The following PLAGL1 variants were observed in gnomAD, a reference collection of about 807,000 sequenced individuals.
The protein encoded by PLAGL1 is zinc finger protein PLAGL1.
Under a neutral mutation model 4.6 loss-of-function variants are expected in PLAGL1, and 1 was observed. The observed-to-expected ratio is 0.22, with a 90% confidence interval of 0.08 to 1.03. PLAGL1 has a LOEUF of 1.03. Ranked by LOEUF, PLAGL1 falls within the 50% of genes least tolerant of loss-of-function variation. PLAGL1 has a pLI of 0.58. For missense variants in PLAGL1, 464 were observed against 570.4 expected (o/e 0.81, Z 1.90); for synonymous variants, 240 against 237.8 (o/e 1.01, Z -0.08).
intron 2 of PLAGL1, among the ~76,000 whole-genome samples, chr6:143,974,856 A>G (rs1307121019): frequency 1.3e-5 from 2 of 152,238 alleles, no homozygotes; most frequent in Non-Finnish European, 2.9e-5. Flanking sequence ...AACTTGCTAC[A>G]TTTCTATAAA....
Position 143,993,583 on chromosome 6 carries a change from C to CT in PLAGL1, c.-583-8410dup, listed in dbSNP as rs146207301. Among the ~76,000 whole-genome samples the CT allele has an allele frequency of 2.1e-3, 320 of 152,006 alleles. 1 individual carries two copies. The highest frequency in any genetic ancestry group is 7.3e-3 in the African/African-American group (302 of 41,450). On this transcript the variant is annotated intron_variant, in intron 1 of 7. Transcript: ENST00000674357. ...TTTGAAGATCATTAGCCAAGGAAAA[C>CT]TTTTTTTTAAAAAAACTAAATTGTC... is the stretch of plus-strand genomic sequence containing the variant.
Position 143,954,769 on chromosome 6 carries a change from T to C in PLAGL1, c.-325+5700A>G, listed in dbSNP as rs1210218143. Among the ~76,000 whole-genome samples, 1 of 152,098 alleles carries C rather than the reference T, an allele frequency of 6.6e-6. No individual in the cohort carries two copies. Among genetic ancestry groups the C allele is most frequent in the Non-Finnish European group, 1.5e-5 (1 of 68,012 alleles). On this transcript the variant is annotated intron_variant, in intron 6 of 7. Coordinates refer to ENST00000674357, the MANE Select transcript of PLAGL1 (RefSeq NM_001317162.2). The surrounding 1 kb of genome is among the most constrained non-coding windows in gnomAD (Gnocchi z 5.1). ...CAATAAACTAATGAAAGGCATAAAA[T>C]TGGAATGGAATAATTATTTATTTGC...
rs1797276397 is a variant in PLAGL1, at chr6:144,036,777, A to AACACCTTGC, written c.-151+27690_-151+27691insGCAAGGTGT. On this transcript the variant is annotated intron_variant, in intron 1 of 3. Transcript: ENST00000437412. The surrounding 1 kb of genome is among the most constrained non-coding windows in gnomAD (Gnocchi z 5.1). ...AGAAAACTGCTCTAAGACAAGCAAG[A>AACACCTTGC]AGGCAGACCTGCTAAATGCCCATTA... is the stretch of plus-strand genomic sequence containing the variant. 1 of 335,082 alleles carries AACACCTTGC rather than the reference A, an allele frequency of 3.0e-6. No individual in the cohort carries two copies. Among genetic ancestry groups the AACACCTTGC allele is most frequent in the African/African-American group, 2.2e-5 (1 of 44,578 alleles). 20.8% of individuals were successfully genotyped at this position (335,082 alleles called of 1,614,324 possible).
rs1436605492 is a variant in PLAGL1 at position 143,994,172 on chromosome 6, T to C, written c.-583-8998A>G. Among the ~76,000 whole-genome samples the C allele has an allele frequency of 3.3e-5, 5 of 152,222 alleles. No homozygotes were observed. Among genetic ancestry groups the C allele is most frequent in the Non-Finnish European group, 7.3e-5 (5 of 68,034 alleles). Reference sequence around the variant, plus strand: ...GTTTTGAAGGATTTCAAAATTGTTATGGACCAGGGACTCCCTAAAGTATAC... The same window carrying C: ...GTTTTGAAGGATTTCAAAATTGTTACGGACCAGGGACTCCCTAAAGTATAC... On this transcript the variant is annotated intron_variant, in intron 1 of 7. Coordinates refer to ENST00000674357, the MANE Select transcript of PLAGL1 (RefSeq NM_001317162.2). This position sits in a 1 kb window ranked among gnomAD's most constrained non-coding sequence, Gnocchi z 4.3.
Position 143,949,053 on chromosome 6 carries a change from TGTG to T in PLAGL1, c.-324-596_-324-594del, listed in dbSNP as rs369627543. Reference sequence around the variant, plus strand: ...AGCTAGTCTAGTCTAGTTGCACTGATGTGGTGGCACAAAGCTGATAGCTCAGGA... The same window carrying T: ...AGCTAGTCTAGTCTAGTTGCACTGATGTGGCACAAAGCTGATAGCTCAGGA... On this transcript the variant is annotated intron_variant, in intron 6 of 7. Transcript: ENST00000674357. This position sits in a 1 kb window ranked among gnomAD's most constrained non-coding sequence, Gnocchi z 5.3. Among the ~76,000 whole-genome samples, 4 of 152,356 alleles carry T rather than the reference TGTG, an allele frequency of 2.6e-5. No homozygotes were observed. Among genetic ancestry groups the T allele is most frequent in the Admixed American group, 6.5e-5 (1 of 15,308 alleles).
In PLAGL1 at chr6:144,016,057, G is replaced by A. The variant is rs545100060; in HGVS notation, c.-150-47079C>T. Among the ~76,000 whole-genome samples, 5 of 152,096 alleles carry A rather than the reference G, an allele frequency of 3.3e-5. No individual in the cohort carries two copies. Among genetic ancestry groups the A allele is most frequent in the Non-Finnish European group, 7.4e-5 (5 of 68,020 alleles). ...TGTGCGGAGTCAAAGAAATCATATT[G>A]TATTAGTCAGGGTTCTCTAGAGGGA... On this transcript the variant is annotated intron_variant, in intron 1 of 3. Coordinates refer to the PLAGL1 transcript ENST00000437412. The surrounding 1 kb of genome is among the most constrained non-coding windows in gnomAD (Gnocchi z 4.2).
rs1349853323 is a variant in PLAGL1 at position 143,972,017 on chromosome 6, C to G, written c.-543-3039G>C. On this transcript the variant is annotated intron_variant, in intron 2 of 7. Coordinates refer to ENST00000674357, the MANE Select transcript of PLAGL1 (RefSeq NM_001317162.2). This position sits in a 1 kb window ranked among gnomAD's most constrained non-coding sequence, Gnocchi z 6.8. ...GGACTGCCTGACAAACTTGCTAAAG[C>G]AAAAAAGGGCATAATAGTTCTCTGC... Among the ~76,000 whole-genome samples the G allele has an allele frequency of 6.6e-6, 1 of 151,984 alleles. No homozygotes were observed. The highest frequency in any genetic ancestry group is 2.4e-5 in the African/African-American group (1 of 41,492).
rs1187036066 is a variant in PLAGL1 at position 143,947,728 on chromosome 6, A to C, written c.152+257T>G. Among the ~76,000 whole-genome samples the C allele has an allele frequency of 6.6e-6, 1 of 152,140 alleles. No homozygotes were observed. The highest frequency in any genetic ancestry group is 2.1e-4 in the South Asian group (1 of 4,828). ...GGTTGCATTTTAATTGTCTTTTCCT[A>C]TTTCTCCAGCCATGGGGAGAGGCCT... On this transcript the variant is annotated intron_variant, in intron 7 of 7. Transcript: ENST00000674357. This position sits in a 1 kb window ranked among gnomAD's most constrained non-coding sequence, Gnocchi z 4.3.
chr6:144,027,246 A>C lies in PLAGL1; in HGVS notation c.-151+37222T>G, dbSNP rs67928473. 0.052 allele frequency among the ~76,000 whole-genome samples: 6,306 copies of C among 121,430 alleles called. 192 individuals carry two copies. Among genetic ancestry groups the C allele is most frequent in the East Asian group, 0.12 (551 of 4,610 alleles). The allele number at this position is 121,430 out of a possible 152,430, so 79.7% of individuals were successfully genotyped here. Reference sequence around the variant, plus strand: ...CTCAAAGAACGAACGAAAGAAAGAAAGAAAGAAAGAAAGAAAGAAAGAAAG... The same window carrying C: ...CTCAAAGAACGAACGAAAGAAAGAACGAAAGAAAGAAAGAAAGAAAGAAAG... On this transcript the variant is annotated intron_variant, in intron 1 of 3. Transcript: ENST00000437412. This position sits in a 1 kb window ranked among gnomAD's most constrained non-coding sequence, Gnocchi z 5.8.
Position 143,957,766 on chromosome 6 carries a change from C to T in PLAGL1, c.-325+2703G>A, listed in dbSNP as rs756002100. Among the ~76,000 whole-genome samples the T allele has an allele frequency of 6.6e-6, 1 of 152,178 alleles. No individual in the cohort carries two copies. On this transcript the variant is annotated intron_variant, in intron 6 of 7. Transcript: ENST00000674357. The surrounding 1 kb of genome is among the most constrained non-coding windows in gnomAD (Gnocchi z 4.2). ...GGATCTGAGATCTAGAAAGGATGCT[C>T]AAGACTTGGGTGGACTGTTTGATCC...
chr6:144,037,784 CA>C (rs1369315445), intron 1 of PLAGL1: 1 of 152,104 alleles, frequency 6.6e-6, no homozygotes, highest in East Asian at 1.9e-4. Flanking sequence ...AACCCAAACC[CA>C]AACTACTGCT....
intron 6 of PLAGL1, among the ~76,000 whole-genome samples, chr6:143,956,136 A>G (rs1158607411): frequency 6.6e-6 from 1 of 152,206 alleles, no homozygotes; most frequent in East Asian, 1.9e-4. Context: ...AGTTACTCTG[A>G]GCTTTCCATG....
chr6:144,041,191 A>T (rs995505401), intron 1 of PLAGL1, among the ~76,000 whole-genome samples: 1 of 152,038 alleles, frequency 6.6e-6, no homozygotes, highest in African/African-American at 2.4e-5. Flanking sequence ...AACTTTCTAT[A>T]TATATATATA....
intron 1 of PLAGL1, among the ~76,000 whole-genome samples, chr6:144,049,334 T>C (rs1798412701): frequency 6.6e-6 from 1 of 152,238 alleles, no homozygotes; most frequent in Non-Finnish European, 1.5e-5. Flanking sequence ...CAAAGTTGCT[T>C]CCTCATTTTT....
intron 1 of PLAGL1, among the ~76,000 whole-genome samples, chr6:144,041,199 ATACTTT>A (rs1397693351): frequency 6.6e-6 from 1 of 152,106 alleles, no homozygotes; most frequent in Admixed American, 6.5e-5. Context: ...ATATATATAT[ATACTTT>A]AAGTTCTAGG....
intron 1 of PLAGL1, among the ~76,000 whole-genome samples, chr6:144,049,939 C>T (rs75875800): frequency 0.046 from 6,944 of 152,030 alleles, 226 homozygotes; most frequent in Non-Finnish European, 0.069. Context: ...CAACAGTGCA[C>T]AAGACAGGTC....
In PLAGL1 at chr6:143,997,148, GA is replaced by G. The variant is rs1407663914; in HGVS notation, c.-584+10941del. On this transcript the variant is annotated intron_variant, in intron 1 of 7. Coordinates refer to ENST00000674357, the MANE Select transcript of PLAGL1 (RefSeq NM_001317162.2). The surrounding 1 kb of genome is among the most constrained non-coding windows in gnomAD (Gnocchi z 4.6). ...TCAAACCCACCAGAGGGCTTAAAGC[GA>G]AAAAGACTAATATCAAGTGCTGATG... is the stretch of plus-strand genomic sequence containing the variant. 2.6e-5 allele frequency among the ~76,000 whole-genome samples: 4 copies of G among 152,156 alleles called. No individual in the cohort carries two copies. Among genetic ancestry groups the G allele is most frequent in the Admixed American group, 1.3e-4 (2 of 15,274 alleles).
chr6:143,992,971 G>A (rs760244350), intron 1 of PLAGL1, among the ~76,000 whole-genome samples: 1 of 149,094 alleles, frequency 6.7e-6, no homozygotes, highest in Non-Finnish European at 1.5e-5. Flanking sequence ...GAGTGAGTGA[G>A]ACTCCATCTC....
At chr6:144,023,288 G>A (rs967809803) in intron 1 of PLAGL1, among the ~76,000 whole-genome samples, 3 of 152,128 alleles carry the variant, frequency 2.0e-5, no homozygotes, top group Admixed American at 2.0e-4. Flanking sequence ...TTAGGATAGT[G>A]AAGCTATTGT....
Sources: allele counts gnomAD v4.1 joint callset (sites outside exome capture counted in the v4.1 genomes callset), GRCh38; gene constraint gnomAD v4.1.1; non-coding constraint Gnocchi (gnomAD v3.1); transcripts MANE v1.5; gene names NCBI Gene and HGNC (gene_info 2026-07-23, HGNC 2026-07-21).